OSBPL5: variants seen among roughly 807,000 people sequenced by gnomAD.
The protein encoded by OSBPL5 is oxysterol binding protein like 5.
A neutral mutation model predicts 111.2 loss-of-function variants in OSBPL5; 71 were observed. The observed-to-expected ratio is 0.64, with a 90% CI of 0.53 to 0.78. The LOEUF is 0.78. Ranked by LOEUF, OSBPL5 falls within the 30% of genes least tolerant of loss-of-function variation. OSBPL5 has a pLI of 0.00. For synonymous variants in OSBPL5, 549 were observed against 513.9 expected (o/e 1.07, Z -0.93); for missense variants, 1,210 against 1,189.3 (o/e 1.02, Z -0.26).
chr11:3,088,336 A>T lies in OSBPL5; in HGVS notation c.2509T>A (p.Ser837Thr). ...EAQQELHRHL[S>T]AMLSSTARAA... Reference sequence around the variant, plus strand: ...CGTGCCGTGGAGCTCAGCATGGCCGAGAGGTGCCTGCAAGGACAGGCGACA... The same window carrying T: ...CGTGCCGTGGAGCTCAGCATGGCCGTGAGGTGCCTGCAAGGACAGGCGACA... The change falls in exon 22 of 22, where the codon TCG becomes ACG. Residue 837 changes from serine (S) to threonine (T), a missense_variant. Physicochemically the swap from Ser to Thr is moderately conservative, Grantham distance 58 (BLOSUM62 1). Coordinates refer to ENST00000263650, the MANE Select transcript of OSBPL5 (RefSeq NM_020896.4). 6.4e-7 allele frequency: 1 copy of T among 1,570,486 alleles called. No individual in the cohort carries two copies. The highest frequency in any genetic ancestry group is 8.6e-7 in the Non-Finnish European group (1 of 1,161,650).
At chr11:3,133,658 G>A (rs930611791) in intron 1 of OSBPL5, among the ~76,000 whole-genome samples, 10 of 152,252 alleles carry the variant, frequency 6.6e-5, no homozygotes, top group African/African-American at 2.4e-4. Flanking sequence ...TCAGCCTGCA[G>A]TTGCCAAACC....
In OSBPL5 at chr11:3,088,214, G is replaced by A. The variant is rs1190685622; in HGVS notation, c.2631C>T (p.Ile877=). 1 of 1,593,388 alleles carries A rather than the reference G, an allele frequency of 6.3e-7. No homozygotes were observed. The highest frequency in any genetic ancestry group is 8.6e-7 in the Non-Finnish European group (1 of 1,168,860). ...FLACQLFINH[I]LK ...TCTGCCCTCAGGGCTCCTATTTGAG[G>A]ATGTGGTTAATGAACAGCTGACACG... is the stretch of plus-strand genomic sequence containing the variant. Residue 877 remains isoleucine, a synonymous_variant, in exon 22 of 22, where the codon ATC becomes ATT. Transcript: ENST00000263650.
intron 7 of OSBPL5, among the ~76,000 whole-genome samples, chr11:3,117,148 G>A (rs1322822859): frequency 6.6e-6 from 1 of 152,196 alleles, no homozygotes; most frequent in Admixed American, 6.5e-5. Flanking sequence ...GGAGAAATTG[G>A]TTATTTTACC....
chr11:3,100,136 AGT>A lies in OSBPL5; in HGVS notation c.1621+20_1621+21del. The A allele has an allele frequency of 6.2e-7, 1 of 1,607,760 alleles. No homozygotes were observed. The highest frequency in any genetic ancestry group is 8.5e-7 in the Non-Finnish European group (1 of 1,174,778). On this transcript the variant is annotated intron_variant, in intron 14 of 21. Coordinates refer to ENST00000263650, the MANE Select transcript of OSBPL5 (RefSeq NM_020896.4). ...TCACAGAGCCTGGCTCTGCCCTCGG[AGT>A]GTGTGGCTGAGCCTCTCACCTTTGC... is the stretch of plus-strand genomic sequence containing the variant.
rs188196134 is a variant in OSBPL5 at position 3,113,442 on chromosome 11, G to C, written c.692-5497C>G. 2.0e-5 allele frequency among the ~76,000 whole-genome samples: 3 copies of C among 152,210 alleles called. No homozygotes were observed. The highest frequency in any genetic ancestry group is 6.5e-5 in the Admixed American group (1 of 15,278). On this transcript the variant is annotated intron_variant, in intron 7 of 21. Coordinates refer to ENST00000263650, the MANE Select transcript of OSBPL5 (RefSeq NM_020896.4). The surrounding 1 kb of genome is among the most constrained non-coding windows in gnomAD (Gnocchi z 4.8). ...GAGGCTGAGGTGGGTGGATCACAAAGTCAGGAGTTCAAGACCAGTCTGGCC... is the reference window on the plus strand; with the variant it reads ...GAGGCTGAGGTGGGTGGATCACAAACTCAGGAGTTCAAGACCAGTCTGGCC...
rs1858094850 is a variant in OSBPL5 at position 3,113,709 on chromosome 11, T to C, written c.692-5764A>G. 6.6e-6 allele frequency among the ~76,000 whole-genome samples: 1 copy of C among 152,170 alleles called. No individual in the cohort carries two copies. Among genetic ancestry groups the C allele is most frequent in the East Asian group, 1.9e-4 (1 of 5,206 alleles). On this transcript the variant is annotated intron_variant, in intron 7 of 21. Coordinates refer to ENST00000263650, the MANE Select transcript of OSBPL5 (RefSeq NM_020896.4). This position sits in a 1 kb window ranked among gnomAD's most constrained non-coding sequence, Gnocchi z 4.8. Reference sequence around the variant, plus strand: ...AAAAATAGCTACATCTTAAATTTAGTAAGATTACCATAACTTCTAATCTGG... The same window carrying C: ...AAAAATAGCTACATCTTAAATTTAGCAAGATTACCATAACTTCTAATCTGG...
intron 14 of OSBPL5, among the ~76,000 whole-genome samples, chr11:3,097,061 A>AAG (rs375166336): frequency 0.48 from 1,396 of 2,898 alleles, 271 homozygotes; most frequent in East Asian, 0.6. Flanking sequence ...AAGGAGAGGA[A>AAG]AGGGGGAAGA....
In OSBPL5 at chr11:3,120,613, G is replaced by T; in HGVS notation, c.414C>A (p.Thr138=). ...ACCACAGCTTGGTCCAGCTCTTCAG[G>T]GTGCCGCGGATCTGCAGGGAGGATG... ...IMADSLKIRG[T]LKSWTKLWCV... Residue 138 remains threonine (T), a synonymous_variant, in exon 6 of 22, where the codon ACC becomes ACA. Coordinates refer to ENST00000263650, the MANE Select transcript of OSBPL5 (RefSeq NM_020896.4). 6.2e-7 allele frequency: 1 copy of T among 1,612,750 alleles called. No homozygotes were observed. The highest frequency in any genetic ancestry group is 8.5e-7 in the Non-Finnish European group (1 of 1,179,966).
chr11:3,116,851 T>C (rs1458947530), intron 7 of OSBPL5, among the ~76,000 whole-genome samples: 1 of 69,358 alleles, frequency 1.4e-5, no homozygotes, highest in African/African-American at 9.3e-5. Flanking sequence ...TGAGACTCCA[T>C]CACAAAAAAA....
At position 3,107,548 on chromosome 11, in the gene OSBPL5, C is replaced by T; in HGVS notation, c.867-93G>A. The T allele has an allele frequency of 6.9e-7, 1 of 1,444,964 alleles. No homozygotes were observed. Among genetic ancestry groups the T allele is most frequent in the South Asian group, 1.2e-5 (1 of 80,848 alleles). 89.5% of individuals were successfully genotyped at this position (1,444,964 alleles called of 1,614,324 possible). ...CCACCCCTCGCTGCTCCGCACTTCA[C>T]ATACGTTCCTGCCTGTCGTCACCTC... On this transcript the variant is annotated intron_variant, in intron 8 of 21. Coordinates refer to ENST00000263650, the MANE Select transcript of OSBPL5 (RefSeq NM_020896.4). This position sits in a 1 kb window ranked among gnomAD's most constrained non-coding sequence, Gnocchi z 6.1.
rs947814085 is a variant in OSBPL5 at position 3,141,782 on chromosome 11, C to T, written c.-21-12613G>A. Among the ~76,000 whole-genome samples, 1 of 139,702 alleles carries T rather than the reference C, an allele frequency of 7.2e-6. No homozygotes were observed. Among genetic ancestry groups the T allele is most frequent in the African/African-American group, 2.6e-5 (1 of 39,126 alleles). 91.6% of individuals were successfully genotyped at this position (139,702 alleles called of 152,430 possible). On this transcript the variant is annotated intron_variant, in intron 1 of 21. Transcript: ENST00000263650. This position sits in a 1 kb window ranked among gnomAD's most constrained non-coding sequence, Gnocchi z 6.5. ...TAAATGGGGTGACAGTAGGAACACC[C>T]ACCCCCCACCCGCCTCCCACCCAGT...
intron 1 of OSBPL5, among the ~76,000 whole-genome samples, chr11:3,157,295 C>T (rs994509468): frequency 3.9e-5 from 6 of 152,132 alleles, no homozygotes; most frequent in African/African-American, 9.7e-5. Context: ...GACCCTGACC[C>T]GTAAAAGGAT....
chr11:3,093,183 G>T, intron 17 of OSBPL5, 131 bp from the exon 18 acceptor site: 1 of 976,718 alleles, frequency 1.0e-6, no homozygotes, highest in African/African-American at 1.6e-5. Flanking sequence ...CAGTGACAGG[G>T]AGCTCACTAC....
intron 1 of OSBPL5, among the ~76,000 whole-genome samples, chr11:3,160,431 T>TC (rs1846921930): frequency 6.6e-6 from 1 of 151,830 alleles, no homozygotes; most frequent in Non-Finnish European, 1.5e-5. Context: ...CGACCCACAC[T>TC]CCCCGCGTCG....
At position 3,104,070 on chromosome 11, in the gene OSBPL5, G is replaced by A; in HGVS notation, c.1244+123C>T. On this transcript the variant is annotated intron_variant, in intron 10 of 21. Transcript: ENST00000263650. The surrounding 1 kb of genome is among the most constrained non-coding windows in gnomAD (Gnocchi z 5.0). ...GGAGGCTACAGCTGCAGAAACAGTG[G>A]GCTGAGATCAGCCATGGGATTCTCT... 1 of 1,210,274 alleles carries A rather than the reference G, an allele frequency of 8.3e-7. No individual in the cohort carries two copies. The highest frequency in any genetic ancestry group is 1.1e-6 in the Non-Finnish European group (1 of 878,822). The allele number at this position is 1,210,274 out of a possible 1,614,324, so 75.0% of individuals were successfully genotyped here.
At chr11:3,133,299 G>T (rs1370576740) in intron 1 of OSBPL5, among the ~76,000 whole-genome samples, 1 of 152,254 alleles carries the variant, frequency 6.6e-6, no homozygotes, top group Admixed American at 6.5e-5. Flanking sequence ...CCCCATGAGG[G>T]GAGGGAGAGA....
rs371311167 is a variant in OSBPL5 at position 3,089,119 on chromosome 11, C to T, written c.2501+727G>A. Among the ~76,000 whole-genome samples the T allele has an allele frequency of 3.9e-5, 6 of 152,360 alleles. No homozygotes were observed. The East Asian group carries it at 1.2e-3, about 29-fold the overall frequency. ...CCCTGCTTCTCTGCCCACACAGCCT[C>T]ACCAGGGAGCACCTTCTGGAAATGC... On this transcript the variant is annotated intron_variant, in intron 21 of 21. Transcript: ENST00000263650.
At position 3,129,107 on chromosome 11, in the gene OSBPL5, A is replaced by C; in HGVS notation, c.42T>G (p.Cys14Trp). 6.5e-7 allele frequency: 1 copy of C among 1,532,734 alleles called. No individual in the cohort carries two copies. Among genetic ancestry groups the C allele is most frequent in the South Asian group, 1.2e-5 (1 of 81,694 alleles). 94.9% of individuals were successfully genotyped at this position (1,532,734 alleles called of 1,614,324 possible). The change falls in exon 2 of 22, where the codon TGT (cysteine) becomes TGG (tryptophan). Residue 14 changes from cysteine to tryptophan, a missense_variant. Physicochemically the swap from Cys to Trp is radical, Grantham distance 215. Coordinates refer to ENST00000263650, the MANE Select transcript of OSBPL5 (RefSeq NM_020896.4). ...CTTTCTGAGGGGTGGAGGAAGGTGG[A>C]CACAGGGAGAAGCGGCGCCGGAGGA... ...EAFLRRRFSL[C>W]PPSSTPQKVD...
chr11:3,120,656 C>A, intron 5 of OSBPL5, 32 bp from the exon 6 acceptor site: 5 of 1,603,616 alleles, frequency 3.1e-6, no homozygotes, highest in Non-Finnish European at 4.3e-6. Flanking sequence ...CGATGCCCAC[C>A]CTCTGGGGCC....
Sources: allele counts gnomAD v4.1 joint callset (sites outside exome capture counted in the v4.1 genomes callset), GRCh38; gene constraint gnomAD v4.1.1; non-coding constraint Gnocchi (gnomAD v3.1); transcripts MANE v1.5; gene names NCBI Gene and HGNC (gene_info 2026-07-23, HGNC 2026-07-21).